Variants in CYP2J2 observed in about 807,000 individuals in gnomAD.
The protein encoded by CYP2J2 is cytochrome P450 family 2 subfamily J member 2.
In CYP2J2, 41 loss-of-function variants were observed where a neutral mutation model predicts 48.8. That is an observed-to-expected ratio of 0.84 (90% CI 0.66 to 1.09). CYP2J2 has a LOEUF of 1.09. CYP2J2 is among the 50% of genes least tolerant of loss of function. The probability of loss-of-function intolerance (pLI) is 0.00; values close to 1 mark genes in which losing one functional copy is unlikely to be tolerated. For missense variants in CYP2J2, 644 were observed against 617.3 expected, an observed-to-expected ratio of 1.04 and a Z score of -0.46; for synonymous variants, 221 against 227.1, an observed-to-expected ratio of 0.97 and a Z score of 0.24.
upstream of CYP2J2, among the ~76,000 whole-genome samples, chr1:59,927,541 C>T (rs994860882): frequency 6.6e-6 from 1 of 152,118 alleles, no homozygotes. Flanking sequence ...ATAGTACACA[C>T]TCATGTACTC....
the CYP2J2 span, among the ~76,000 whole-genome samples, chr1:59,957,716 C>CCA: frequency 1.3e-5 from 2 of 150,410 alleles, no homozygotes; most frequent in Non-Finnish European, 3.0e-5. Context: ...CACACACACA[C>CCA]CACACACACA....
At chr1:59,938,014 C>G in the CYP2J2 span, among the ~76,000 whole-genome samples, 1 of 152,102 alleles carries the variant, frequency 6.6e-6, no homozygotes, top group Non-Finnish European at 1.5e-5. Flanking sequence ...CTCAAAATAA[C>G]TATTTTGAAT....
At chr1:59,907,962 T>G in intron 5 of CYP2J2, 35 bp from the exon 6 acceptor site, 1 of 1,608,888 alleles carries the variant, frequency 6.2e-7, no homozygotes, top group South Asian at 1.1e-5. Context: ...ATTTATTGGT[T>G]TATTCAGAGG....
At chr1:59,900,301 A>T (rs1437871648) in intron 8 of CYP2J2, among the ~76,000 whole-genome samples, 2 of 152,150 alleles carry the variant, frequency 1.3e-5, no homozygotes, top group Non-Finnish European at 2.9e-5. Flanking sequence ...CAGCCCTTAA[A>T]AAGAACTGAG....
upstream of CYP2J2, among the ~76,000 whole-genome samples, chr1:59,928,032 C>T (rs1290685587): frequency 1.3e-5 from 2 of 152,132 alleles, no homozygotes. Flanking sequence ...ACGAATTATT[C>T]TACAACTCAG....
At chr1:59,926,884 C>T, upstream of CYP2J2, 1 of 753,194 alleles carries the variant, frequency 1.3e-6, no homozygotes, top group Non-Finnish European at 2.1e-6. Flanking sequence ...AGATGCCAGG[C>T]GCTGGATTCC....
the CYP2J2 span, among the ~76,000 whole-genome samples, chr1:59,950,405 T>C: frequency 6.6e-6 from 1 of 152,198 alleles, no homozygotes; most frequent in Non-Finnish European, 1.5e-5. Context: ...GCAAGCTCTT[T>C]AGAGCCCATT....
At chr1:59,931,946 A>G in the CYP2J2 span, among the ~76,000 whole-genome samples, 2 of 152,194 alleles carry the variant, frequency 1.3e-5, no homozygotes, top group African/African-American at 4.8e-5. Flanking sequence ...CAACATAGAT[A>G]CATTGTTTGA....
chr1:59,963,808 CT>C, the CYP2J2 span, among the ~76,000 whole-genome samples: 7 of 152,184 alleles, frequency 4.6e-5, no homozygotes, highest in African/African-American at 1.7e-4. Context: ...GTTTTCTCAT[CT>C]GCAAACAAGA....
chr1:59,935,027 T>TATATATATATATACACAC, the CYP2J2 span, among the ~76,000 whole-genome samples: 3 of 100,148 alleles, frequency 3.0e-5, no homozygotes, highest in Admixed American at 2.9e-4. Context: ...TATATATATA[T>TATATATATATATACACAC]ATATATATAT....
chr1:59,937,437 A>AG, the CYP2J2 span, among the ~76,000 whole-genome samples: 1 of 152,158 alleles, frequency 6.6e-6, no homozygotes, highest in Admixed American at 6.5e-5. Flanking sequence ...AGAAAAAAAA[A>AG]AAGGAAAATC....
chr1:59,953,008 C>T, the CYP2J2 span, among the ~76,000 whole-genome samples: 1 of 152,108 alleles, frequency 6.6e-6, no homozygotes, highest in Non-Finnish European at 1.5e-5. Context: ...CATATGTAGT[C>T]AGAGAAATAA....
intron 8 of CYP2J2, among the ~76,000 whole-genome samples, chr1:59,895,422 T>C (rs1455512256): frequency 6.6e-6 from 1 of 152,222 alleles, no homozygotes; most frequent in Non-Finnish European, 1.5e-5. Context: ...TGATACTGTA[T>C]TCTTCTCATT....
rs2102103407 is a variant in CYP2J2, at chr1:59,897,713, GC to G, written c.1330+3251del. Among the ~76,000 whole-genome samples, 3 of 152,312 alleles carry G rather than the reference GC, an allele frequency of 2.0e-5. No homozygotes were observed. In the South Asian group the frequency reaches 6.2e-4, roughly 32 times the overall value. On this transcript the variant is annotated intron_variant, in intron 8 of 8. Coordinates refer to ENST00000371204, the MANE Select transcript of CYP2J2 (RefSeq NM_000775.4). The stretch of plus-strand genomic sequence containing the variant: ...CATGTATTTCATAAAGCTGCTTGCT[GC>G]TTTGATGGATCAAACAGGAAGAATT...
upstream of CYP2J2, among the ~76,000 whole-genome samples, chr1:59,931,398 A>G (rs1644602250): frequency 6.6e-6 from 1 of 152,146 alleles, no homozygotes; most frequent in South Asian, 2.1e-4. Context: ...TCAGCATTGT[A>G]TTAACCAGTC....
At chr1:59,963,997 T>TA in the CYP2J2 span, among the ~76,000 whole-genome samples, 5 of 151,966 alleles carry the variant, frequency 3.3e-5, no homozygotes, top group Non-Finnish European at 7.4e-5. Context: ...TTTCAATACC[T>TA]AAAAAAAATG....
At chr1:59,939,836 A>C in the CYP2J2 span, among the ~76,000 whole-genome samples, 2 of 152,142 alleles carry the variant, frequency 1.3e-5, no homozygotes, top group African/African-American at 4.8e-5. Flanking sequence ...AAGGCAGAAG[A>C]GCCTTATCCC....
intron 1 of CYP2J2, among the ~76,000 whole-genome samples, chr1:59,921,337 T>G (rs1644513285): frequency 6.6e-6 from 1 of 152,166 alleles, no homozygotes; most frequent in Non-Finnish European, 1.5e-5. Flanking sequence ...TGCAGGATTG[T>G]GTAAAGACAA....
chr1:59,898,946 A>G (rs1020796029), intron 8 of CYP2J2, among the ~76,000 whole-genome samples: 1 of 152,216 alleles, frequency 6.6e-6, no homozygotes, highest in Non-Finnish European at 1.5e-5. Flanking sequence ...GCTAATTCAG[A>G]TAAGATAATT....
Sources: gnomAD v4.1 joint callset for allele counts (sites outside exome capture counted in the v4.1 genomes callset) on GRCh38, gnomAD v4.1.1 for gene constraint, MANE v1.5 for transcripts, NCBI Gene and HGNC (gene_info 2026-07-23, HGNC 2026-07-21) for gene names.